Variants in EXOC6B observed in about 807,000 individuals in gnomAD.
EXOC6B encodes the protein exocyst complex component 6B, also known as SEC15 homolog B.
Under a neutral mutation model 113.5 loss-of-function variants are expected in EXOC6B, and 54 were observed. That is an observed-to-expected ratio of 0.48 (90% confidence interval 0.38 to 0.60). The LOEUF is 0.60. Ranked by LOEUF, EXOC6B falls within the 20% of genes least tolerant of loss-of-function variation. EXOC6B has a pLI of 0.00. For missense variants in EXOC6B, 797 were observed against 977.5 expected, an observed-to-expected ratio of 0.82 and a Z score of 2.46; for synonymous variants, 357 against 339.0, an observed-to-expected ratio of 1.05 and a Z score of -0.58.
intron 6 of EXOC6B, among the ~76,000 whole-genome samples, chr2:72,667,488 C>G (rs1051677790): frequency 6.6e-6 from 1 of 152,156 alleles, no homozygotes; most frequent in African/African-American, 2.4e-5. Context: ...TATAAGACTA[C>G]AGTAATCAAA....
At chr2:72,372,729 C>T (rs1489795095) in intron 19 of EXOC6B, among the ~76,000 whole-genome samples, 1 of 151,994 alleles carries the variant, frequency 6.6e-6, no homozygotes, top group Non-Finnish European at 1.5e-5. Context: ...CCTGTAGTCC[C>T]AGCTAATCTG....
chr2:72,818,231 G>A (rs951332104), intron 1 of EXOC6B, among the ~76,000 whole-genome samples: 20 of 151,114 alleles, frequency 1.3e-4, no homozygotes, highest in African/African-American at 4.9e-4. Flanking sequence ...TGCAAGCTCC[G>A]CCTCCCAGGT....
chr2:72,782,151 AAAAAG>A (rs1306480322), intron 1 of EXOC6B, among the ~76,000 whole-genome samples: 208 of 151,632 alleles, frequency 1.4e-3, no homozygotes, highest in African/African-American at 4.7e-3. Context: ...AAAAAAAAAA[AAAAAG>A]AAAAGAAAAG....
At position 72,731,261 on chromosome 2, in the gene EXOC6B, A is replaced by C; in HGVS notation, c.328-16T>G. Reference sequence around the variant, plus strand: ...CTATTACCAGCTTGGCAAGAGGGAAAAAGACTGAATTATGCCTATGGCTGT... The same window carrying C: ...CTATTACCAGCTTGGCAAGAGGGAACAAGACTGAATTATGCCTATGGCTGT... On this transcript the variant is annotated splice_polypyrimidine_tract_variant and intron_variant, in intron 3 of 21. Coordinates refer to ENST00000272427, the MANE Select transcript of EXOC6B (RefSeq NM_015189.3). 1 of 1,595,636 alleles carries C rather than the reference A, an allele frequency of 6.3e-7. No homozygotes were observed. The highest frequency in any genetic ancestry group is 8.6e-7 in the Non-Finnish European group (1 of 1,164,456).
rs1330898921 is a variant in EXOC6B, at chr2:72,743,606, A to G, written c.114-2137T>C. Among the ~76,000 whole-genome samples the G allele has an allele frequency of 2.6e-5, 4 of 152,240 alleles. No individual in the cohort carries two copies. The East Asian group carries it at 7.7e-4, about 29-fold the overall frequency. ...CGCCTCCCCACAACCCACCTCAACT[A>G]GATTGTAAGTTCAAGGGCAAGAATT... On this transcript the variant is annotated intron_variant, in intron 1 of 21. Coordinates refer to ENST00000272427, the MANE Select transcript of EXOC6B (RefSeq NM_015189.3).
chr2:72,751,816 A>T (rs898693576), intron 1 of EXOC6B, among the ~76,000 whole-genome samples: 10 of 152,070 alleles, frequency 6.6e-5, no homozygotes, highest in African/African-American at 9.7e-5. Flanking sequence ...AAATTTTTTT[A>T]AAATAGTTGT....
chr2:72,323,309 G>A (rs949858473), intron 20 of EXOC6B, among the ~76,000 whole-genome samples: 2 of 152,170 alleles, frequency 1.3e-5, no homozygotes, highest in African/African-American at 2.4e-5. Flanking sequence ...CAGTTAGAAT[G>A]GTGATCATTA....
rs1484836920 is a variant in EXOC6B, at chr2:72,575,476, A to G, written c.846+16T>C. On this transcript the variant is annotated intron_variant, in intron 7 of 21. Coordinates refer to ENST00000272427, the MANE Select transcript of EXOC6B (RefSeq NM_015189.3). ...CTTAAAAATAGTCTCACTTCCCAAC[A>G]TCAAATGTTACTTACCTCTTCATCA... is the stretch of plus-strand genomic sequence containing the variant. 6.3e-7 allele frequency: 1 copy of G among 1,595,646 alleles called. No individual in the cohort carries two copies. The highest frequency in any genetic ancestry group is 1.4e-5 in the African/African-American group (1 of 73,582).
chr2:72,213,914 C>A (rs1345201110), intron 20 of EXOC6B, among the ~76,000 whole-genome samples: 1 of 152,080 alleles, frequency 6.6e-6, no homozygotes, highest in Non-Finnish European at 1.5e-5. Context: ...TGTTTCTAGG[C>A]TACCCAGTTT....
chr2:72,465,477 C>G (rs1377496653), intron 17 of EXOC6B, 138 bp from the exon 18 acceptor site: 6 of 658,412 alleles, frequency 9.1e-6, no homozygotes, highest in Non-Finnish European at 1.5e-5. Flanking sequence ...ATATCACAGT[C>G]TTCTTTAATT....
chr2:72,810,449 GC>G (rs1218871579), intron 1 of EXOC6B, among the ~76,000 whole-genome samples: 1 of 151,770 alleles, frequency 6.6e-6, no homozygotes, highest in African/African-American at 2.4e-5. Context: ...TACAGGTAAA[GC>G]AATGCTTGAA....
chr2:72,406,868 G>A (rs1693807419), intron 18 of EXOC6B, among the ~76,000 whole-genome samples: 1 of 152,086 alleles, frequency 6.6e-6, no homozygotes, highest in Non-Finnish European at 1.5e-5. Flanking sequence ...CAGAACTGAA[G>A]GAATCAGAGA....
intron 18 of EXOC6B, among the ~76,000 whole-genome samples, chr2:72,458,269 C>T (rs1342584598): frequency 1.3e-5 from 2 of 152,128 alleles, no homozygotes; most frequent in African/African-American, 4.8e-5. Context: ...CATTCTTTCT[C>T]GAATAATGCC....
rs144591320 is a variant in EXOC6B at position 72,227,330 on chromosome 2, G to A, written c.2197-43143C>T. Among the ~76,000 whole-genome samples, 3 of 152,060 alleles carry A rather than the reference G, an allele frequency of 2.0e-5. No individual in the cohort carries two copies. In the East Asian group the frequency reaches 5.8e-4, roughly 29 times the overall value. The stretch of plus-strand genomic sequence containing the variant: ...AAAACCGGTCCAGTAAAAACTATCA[G>A]GTGAAAAAGCATTAATAGGAATAAA... On this transcript the variant is annotated intron_variant, in intron 20 of 21. Coordinates refer to ENST00000272427, the MANE Select transcript of EXOC6B (RefSeq NM_015189.3).
At chr2:72,369,365 T>C (rs577787292) in intron 19 of EXOC6B, among the ~76,000 whole-genome samples, 11 of 152,212 alleles carry the variant, frequency 7.2e-5, no homozygotes, top group African/African-American at 2.6e-4. Flanking sequence ...TAAAAGAGGA[T>C]ACAAAGAAAT....
intron 11 of EXOC6B, among the ~76,000 whole-genome samples, chr2:72,507,479 C>A (rs970859675): frequency 7.2e-5 from 11 of 152,070 alleles, no homozygotes; most frequent in African/African-American, 1.4e-4. Flanking sequence ...TATCTGCAAC[C>A]CTTATCATAG....
chr2:72,670,079 C>T (rs992319191), intron 6 of EXOC6B, among the ~76,000 whole-genome samples: 2 of 152,092 alleles, frequency 1.3e-5, no homozygotes, highest in African/African-American at 4.8e-5. Flanking sequence ...AATTAAGCAC[C>T]AATTGTAATG....
At chr2:72,263,742 T>C (rs991203624) in intron 20 of EXOC6B, among the ~76,000 whole-genome samples, 4 of 152,134 alleles carry the variant, frequency 2.6e-5, no homozygotes, top group African/African-American at 9.7e-5. Flanking sequence ...GAAAATGAGC[T>C]AGAAGATGAT....
chr2:72,518,343 A>G (rs992968201), intron 8 of EXOC6B, among the ~76,000 whole-genome samples: 3 of 152,206 alleles, frequency 2.0e-5, no homozygotes, highest in African/African-American at 7.2e-5. Context: ...AAACCAAGTC[A>G]CTTAATATAT....
Sources: allele counts gnomAD v4.1 joint callset (sites outside exome capture counted in the v4.1 genomes callset), GRCh38; gene constraint gnomAD v4.1.1; transcripts MANE v1.5; gene names NCBI Gene and HGNC (gene_info 2026-07-23, HGNC 2026-07-21).